The following ZC2HC1B variants were observed in gnomAD, a reference collection of about 807,000 sequenced individuals.
ZC2HC1B encodes zinc finger C2HC-type containing 1B.
Under a neutral mutation model 31.0 loss-of-function variants are expected in ZC2HC1B, and 36 were observed. The ratio of observed to expected loss-of-function variants is 1.16; its 90% CI spans 0.89 to 1.54. The LOEUF is 1.54. Ranked by LOEUF, ZC2HC1B falls within the 40% of genes most tolerant of loss-of-function variation. The pLI is 0.00. For missense variants in ZC2HC1B, 260 were observed against 268.6 expected (o/e 0.97, Z 0.22); for synonymous variants, 73 against 88.0 (o/e 0.83, Z 0.95).
At chr6:143,904,402 C>A (rs1187290767) in intron 6 of ZC2HC1B, among the ~76,000 whole-genome samples, 1 of 152,054 alleles carries the variant, frequency 6.6e-6, no homozygotes, top group Non-Finnish European at 1.5e-5. Context: ...GTCTCTGTTG[C>A]CCAGGCTGGA....
intron 6 of ZC2HC1B, among the ~76,000 whole-genome samples, chr6:143,928,871 C>G (rs1778084104): frequency 6.9e-6 from 1 of 144,618 alleles, no homozygotes; most frequent in Non-Finnish European, 1.5e-5. Context: ...ATGGGATTGA[C>G]TTTTGATTTG....
chr6:143,875,499 CAG>C (rs1409478382), intron 1 of ZC2HC1B, among the ~76,000 whole-genome samples: 4 of 150,774 alleles, frequency 2.7e-5, no homozygotes, highest in African/African-American at 4.9e-5. Flanking sequence ...ACAGTAAATG[CAG>C]AGTCTCTACT....
chr6:143,930,269 C>T (rs1359538577), intron 6 of ZC2HC1B, among the ~76,000 whole-genome samples: 2 of 150,652 alleles, frequency 1.3e-5, no homozygotes, highest in Admixed American at 1.3e-4. Flanking sequence ...TATGTTGTGT[C>T]TCTGTTTCCT....
intron 6 of ZC2HC1B, among the ~76,000 whole-genome samples, chr6:143,926,555 C>T (rs191526250): frequency 6.6e-6 from 1 of 151,826 alleles, no homozygotes; most frequent in Admixed American, 6.6e-5. Context: ...AGAGAATGTT[C>T]CATGTGTTGA....
Position 143,905,784 on chromosome 6 carries a change from A to G in ZC2HC1B, c.598+2632A>G, listed in dbSNP as rs1465516851. Among the ~76,000 whole-genome samples, 3 of 152,020 alleles carry G rather than the reference A, an allele frequency of 2.0e-5. No individual in the cohort carries two copies. Among genetic ancestry groups the G allele is most frequent in the Admixed American group, 6.6e-5 (1 of 15,244 alleles). Reference sequence around the variant, plus strand: ...CATGAAAGGGTGTTGAATTTTCTCAAATGGTTTTTTTTGCATCAATTGAGA... The same window carrying G: ...CATGAAAGGGTGTTGAATTTTCTCAGATGGTTTTTTTTGCATCAATTGAGA... On this transcript the variant is annotated intron_variant, in intron 6 of 7. Coordinates refer to ENST00000237275, the MANE Select transcript of ZC2HC1B (RefSeq NM_001013623.3). This position sits in a 1 kb window ranked among gnomAD's most constrained non-coding sequence, Gnocchi z 4.2.
chr6:143,910,000 G>T (rs527495291), intron 6 of ZC2HC1B, among the ~76,000 whole-genome samples: 25 of 152,114 alleles, frequency 1.6e-4, no homozygotes, highest in Non-Finnish European at 2.5e-4. Context: ...TAGTAGTTAA[G>T]TTGTCAATTT....
At chr6:143,927,555 G>A (rs562837931) in intron 6 of ZC2HC1B, among the ~76,000 whole-genome samples, 10 of 152,086 alleles carry the variant, frequency 6.6e-5, no homozygotes, top group Non-Finnish European at 7.4e-5. Flanking sequence ...TCCATTGATG[G>A]TTATTTAGGT....
chr6:143,894,376 A>G (rs1777638682), intron 4 of ZC2HC1B, among the ~76,000 whole-genome samples: 1 of 152,226 alleles, frequency 6.6e-6, no homozygotes, highest in Non-Finnish European at 1.5e-5. Flanking sequence ...GGTGACGAAA[A>G]TGTTCTGTAT....
intron 6 of ZC2HC1B, among the ~76,000 whole-genome samples, chr6:143,929,579 T>A (rs1335896640): frequency 6.6e-6 from 1 of 152,202 alleles, no homozygotes; most frequent in Admixed American, 6.5e-5. Flanking sequence ...GGTAGCAAAG[T>A]GATACTTTGT....
intron 6 of ZC2HC1B, among the ~76,000 whole-genome samples, chr6:143,909,530 CTTTTTT>C (rs573480397): frequency 7.9e-6 from 1 of 127,216 alleles, no homozygotes. Context: ...TGGTCCTGGG[CTTTTTT>C]TTTTTTTTTT....
chr6:143,914,946 C>A (rs901471662), intron 6 of ZC2HC1B, among the ~76,000 whole-genome samples: 2 of 152,128 alleles, frequency 1.3e-5, no homozygotes, highest in African/African-American at 4.8e-5. Flanking sequence ...TTCATTCTGC[C>A]AATCTCTGTC....
intron 1 of ZC2HC1B, among the ~76,000 whole-genome samples, chr6:143,878,623 G>A (rs1777434824): frequency 6.7e-6 from 1 of 148,988 alleles, no homozygotes; most frequent in Admixed American, 6.6e-5. Context: ...CTATTGGCAT[G>A]AGTTCAACAT....
Position 143,872,046 on chromosome 6 carries a change from G to A in ZC2HC1B, c.28+7479G>A, listed in dbSNP as rs188248083. Among the ~76,000 whole-genome samples the A allele has an allele frequency of 7.2e-5, 11 of 152,284 alleles. No individual in the cohort carries two copies. The highest frequency in any genetic ancestry group is 2.0e-4 in the Admixed American group (3 of 15,302). On this transcript the variant is annotated intron_variant, in intron 1 of 7. Coordinates refer to ENST00000237275, the MANE Select transcript of ZC2HC1B (RefSeq NM_001013623.3). This position sits in a 1 kb window ranked among gnomAD's most constrained non-coding sequence, Gnocchi z 5.5. ...TCAGAGCCAGTGTCCAGTAGTTTCC[G>A]AAATGTCTGATCATTTCCTTTTTCC...
chr6:143,906,757 T>C (rs981849131), intron 6 of ZC2HC1B, among the ~76,000 whole-genome samples: 1 of 152,142 alleles, frequency 6.6e-6, no homozygotes. Context: ...CTTTTTTTTT[T>C]TTTTATTAGT....
At chr6:143,901,560 A>G (rs1158866953) in intron 5 of ZC2HC1B, among the ~76,000 whole-genome samples, 1 of 151,990 alleles carries the variant, frequency 6.6e-6, no homozygotes, top group Non-Finnish European at 1.5e-5. Context: ...GTGCCCGGCC[A>G]GGGTTTGAAT....
At chr6:143,896,743 G>C (rs1231538296) in intron 4 of ZC2HC1B, among the ~76,000 whole-genome samples, 7 of 152,128 alleles carry the variant, frequency 4.6e-5, no homozygotes, top group Non-Finnish European at 8.8e-5. Flanking sequence ...TGGGTAACTT[G>C]CCCGAGTTCA....
At chr6:143,891,630 T>C (rs1777603480) in intron 4 of ZC2HC1B, among the ~76,000 whole-genome samples, 1 of 150,218 alleles carries the variant, frequency 6.7e-6, no homozygotes, top group South Asian at 2.1e-4. Flanking sequence ...GAGGCAGAGG[T>C]TGCAGTGAGC....
intron 6 of ZC2HC1B, among the ~76,000 whole-genome samples, chr6:143,925,215 G>A (rs546809486): frequency 3.5e-4 from 43 of 121,758 alleles, no homozygotes; most frequent in Middle Eastern, 7.7e-3. Context: ...TCACTCTGTC[G>A]CCCAGGCTGG....
intron 6 of ZC2HC1B, among the ~76,000 whole-genome samples, chr6:143,929,055 T>C (rs538234614): frequency 5.3e-5 from 8 of 152,154 alleles, no homozygotes; most frequent in African/African-American, 1.9e-4. Flanking sequence ...TCTGACTTCC[T>C]CTTTTCCCAT....
Sources: gnomAD v4.1 joint callset for allele counts (sites outside exome capture counted in the v4.1 genomes callset) on GRCh38, gnomAD v4.1.1 for gene constraint, Gnocchi (gnomAD v3.1) non-coding constraint, MANE v1.5 for transcripts, NCBI Gene and HGNC (gene_info 2026-07-23, HGNC 2026-07-21) for gene names.